XKR4: variants seen among roughly 807,000 people sequenced by gnomAD.
The protein encoded by XKR4 is XK related 4, also known as XK-related protein 4.
In XKR4, 12 loss-of-function variants were observed where a neutral mutation model predicts 53.9. That is an observed-to-expected ratio of 0.22 (90% CI 0.14 to 0.36). The LOEUF is 0.36. Among genes scored for constraint, XKR4 ranks in the 10% least tolerant of loss-of-function variants. The pLI is 1.00. For missense variants in XKR4, 799 were observed against 859.5 expected, an observed-to-expected ratio of 0.93 and a Z score of 0.88; for synonymous variants, 354 against 362.4, an observed-to-expected ratio of 0.98 and a Z score of 0.26.
At chr8:55,262,501 C>T (rs1818540041) in intron 1 of XKR4, among the ~76,000 whole-genome samples, 1 of 152,160 alleles carries the variant, frequency 6.6e-6, no homozygotes, top group Admixed American at 6.5e-5. Context: ...GGTAGAGCCC[C>T]AGTGATGGGA....
At chr8:55,499,210 G>A (rs1188596784) in intron 2 of XKR4, among the ~76,000 whole-genome samples, 1 of 152,184 alleles carries the variant, frequency 6.6e-6, no homozygotes, top group Non-Finnish European at 1.5e-5. Flanking sequence ...AAACCCACAG[G>A]CTATGCTAAG....
At chr8:55,480,101 A>G (rs1188349046) in intron 2 of XKR4, among the ~76,000 whole-genome samples, 1 of 152,212 alleles carries the variant, frequency 6.6e-6, no homozygotes, top group East Asian at 1.9e-4. Flanking sequence ...ACCAACAAAA[A>G]AGAGAATTTT....
At chr8:55,503,124 C>T (rs1480203251) in intron 2 of XKR4, among the ~76,000 whole-genome samples, 1 of 152,090 alleles carries the variant, frequency 6.6e-6, no homozygotes, top group Non-Finnish European at 1.5e-5. Context: ...GCTTTCAAAT[C>T]AGAAATTGTG....
intron 2 of XKR4, among the ~76,000 whole-genome samples, chr8:55,444,232 T>C (rs2129395271): frequency 6.6e-6 from 1 of 152,100 alleles, no homozygotes; most frequent in South Asian, 2.1e-4. Flanking sequence ...CAAAAGTAAT[T>C]TCAGATGAAT....
intron 1 of XKR4, among the ~76,000 whole-genome samples, chr8:55,286,184 G>A (rs922344188): frequency 8.5e-5 from 13 of 152,208 alleles, no homozygotes; most frequent in Non-Finnish European, 1.9e-4. Context: ...ATTGTGAAAT[G>A]AGTGGCTCTG....
intron 2 of XKR4, among the ~76,000 whole-genome samples, chr8:55,390,587 C>A (rs527810448): frequency 6.6e-6 from 1 of 152,322 alleles, no homozygotes; most frequent in East Asian, 1.9e-4. Flanking sequence ...AGACTGTGGG[C>A]AGCAGGGCTA....
intron 1 of XKR4, among the ~76,000 whole-genome samples, chr8:55,289,329 C>T (rs2129375037): frequency 6.6e-6 from 1 of 151,614 alleles, no homozygotes; most frequent in African/African-American, 2.4e-5. Flanking sequence ...CCAGGCTGCC[C>T]AATGTGGTGA....
At chr8:55,282,908 T>C (rs1332170917) in intron 1 of XKR4, among the ~76,000 whole-genome samples, 1 of 152,236 alleles carries the variant, frequency 6.6e-6, no homozygotes, top group Admixed American at 6.5e-5. Context: ...GTACTATGAA[T>C]GTATGATATA....
At chr8:55,136,234 A>G (rs9643833) in intron 1 of XKR4, among the ~76,000 whole-genome samples, 23,964 of 152,030 alleles carry the variant, frequency 0.16, 2,185 homozygotes, top group Middle Eastern at 0.29. Context: ...TTTACAATAT[A>G]CTCACCATTA....
At chr8:55,482,452 C>T (rs185614947) in intron 2 of XKR4, among the ~76,000 whole-genome samples, 122 of 151,952 alleles carry the variant, frequency 8.0e-4, no homozygotes, top group African/African-American at 2.9e-3. Context: ...TGCTAAATGA[C>T]GAGTTAATGG....
At chr8:55,514,841 A>C (rs967665167) in intron 2 of XKR4, among the ~76,000 whole-genome samples, 2 of 152,220 alleles carry the variant, frequency 1.3e-5, no homozygotes, top group Non-Finnish European at 2.9e-5. Flanking sequence ...TGAACAAAGA[A>C]GAGGGCCTTC....
chr8:55,403,538 G>A (rs1457149279), intron 2 of XKR4, among the ~76,000 whole-genome samples: 1 of 152,206 alleles, frequency 6.6e-6, no homozygotes, highest in Non-Finnish European at 1.5e-5. Flanking sequence ...TTGGCAGTCA[G>A]CCATCACGTT....
At chr8:55,512,861 T>C (rs1806650548) in intron 2 of XKR4, among the ~76,000 whole-genome samples, 1 of 152,116 alleles carries the variant, frequency 6.6e-6, no homozygotes, top group African/African-American at 2.4e-5. Flanking sequence ...TCTTTCTGCC[T>C]TCCTCTCTAC....
chr8:55,310,940 C>T (rs978178062), intron 1 of XKR4, among the ~76,000 whole-genome samples: 3 of 152,210 alleles, frequency 2.0e-5, no homozygotes, highest in African/African-American at 7.2e-5. Context: ...ACCACTAAGT[C>T]ACCCTCAGCA....
chr8:55,363,685 C>T (rs1803934017), intron 2 of XKR4, among the ~76,000 whole-genome samples: 1 of 152,140 alleles, frequency 6.6e-6, no homozygotes, highest in Non-Finnish European at 1.5e-5. Context: ...CCCCTGTGCC[C>T]AACGCCTTCC....
At chr8:55,391,730 A>C (rs766057261) in intron 2 of XKR4, among the ~76,000 whole-genome samples, 2 of 152,200 alleles carry the variant, frequency 1.3e-5, no homozygotes, top group African/African-American at 4.8e-5. Context: ...AAAAAACAAA[A>C]TATAACTATA....
At chr8:55,289,263 C>A (rs985972578) in intron 1 of XKR4, among the ~76,000 whole-genome samples, 5 of 151,846 alleles carry the variant, frequency 3.3e-5, no homozygotes, top group African/African-American at 1.2e-4. Flanking sequence ...CGCCTGCAAT[C>A]CCCAGCACTT....
chr8:55,333,737 G>A (rs978987326), intron 1 of XKR4, among the ~76,000 whole-genome samples: 2 of 152,086 alleles, frequency 1.3e-5, no homozygotes, highest in Admixed American at 6.6e-5. Context: ...ATTATCTGAA[G>A]ATGTCCCCAG....
intron 2 of XKR4, among the ~76,000 whole-genome samples, chr8:55,384,046 G>A (rs1046588684): frequency 2.6e-5 from 4 of 152,190 alleles, no homozygotes; most frequent in East Asian, 3.8e-4. Flanking sequence ...CCTAGGTATC[G>A]TCGCATCATT....
Sources: gnomAD v4.1 joint callset for allele counts (sites outside exome capture counted in the v4.1 genomes callset) on GRCh38, gnomAD v4.1.1 for gene constraint, MANE v1.5 for transcripts, NCBI Gene and HGNC (gene_info 2026-07-23, HGNC 2026-07-21) for gene names.